Variants in PRIM2 observed in about 807,000 individuals in gnomAD.
PRIM2 encodes the protein DNA primase large subunit.
A neutral mutation model predicts 67.3 loss-of-function variants in PRIM2; 39 were observed. The observed-to-expected ratio is 0.58, with a 90% CI of 0.45 to 0.76. The LOEUF is 0.76. Ranked by LOEUF, PRIM2 falls within the 30% of genes least tolerant of loss-of-function variation. The pLI, the probability that PRIM2 is intolerant of heterozygous loss-of-function variation, is 0.00. For missense variants in PRIM2, 398 were observed against 598.7 expected, an observed-to-expected ratio of 0.66 and a Z score of 3.50; for synonymous variants, 143 against 198.7, an observed-to-expected ratio of 0.72 and a Z score of 2.36.
intron 8 of PRIM2, among the ~76,000 whole-genome samples, chr6:57,517,821 C>T (rs2127462960): frequency 6.6e-6 from 1 of 152,114 alleles, no homozygotes; most frequent in East Asian, 1.9e-4. Flanking sequence ...GAGCTGTCCA[C>T]CTGTGCAGGA....
intron 10 of PRIM2, among the ~76,000 whole-genome samples, chr6:57,600,336 GATTATTATTATT>G (rs1190863948): frequency 6.1e-5 from 9 of 146,382 alleles, no homozygotes; most frequent in African/African-American, 1.0e-4. Context: ...CAGAGGAAGG[GATTATTATTATT>G]ATTATTATTA....
rs548371789 is a variant in PRIM2 at position 57,330,910 on chromosome 6, C to T, written c.459+4865C>T. ...TTAATATGGTGTGTTGGGCCGGGCG[C>T]GGTGGCTCACACCTGTAATCCCAGC... On this transcript the variant is annotated intron_variant, in intron 5 of 13. Coordinates refer to ENST00000615550, the MANE Select transcript of PRIM2 (RefSeq NM_000947.5). 4.1e-4 allele frequency among the ~76,000 whole-genome samples: 63 copies of T among 152,088 alleles called. 1 individual carries two copies. Among genetic ancestry groups the T allele is most frequent in the Admixed American group, 1.9e-3 (29 of 15,272 alleles).
At chr6:57,261,745 AT>A in the PRIM2 span, among the ~76,000 whole-genome samples, 2 of 151,928 alleles carry the variant, frequency 1.3e-5, no homozygotes, top group African/African-American at 4.8e-5. Flanking sequence ...AGGTTGGGTT[AT>A]TTTTCCCCAT....
chr6:57,525,514 C>T (rs1454143275), intron 8 of PRIM2, among the ~76,000 whole-genome samples: 1 of 152,160 alleles, frequency 6.6e-6, no homozygotes, highest in Non-Finnish European at 1.5e-5. Flanking sequence ...TTCCTTTGAT[C>T]CCAGACTTCT....
intron 7 of PRIM2, among the ~76,000 whole-genome samples, chr6:57,466,246 A>G (rs1277029861): frequency 6.6e-6 from 1 of 152,150 alleles, no homozygotes; most frequent in Admixed American, 6.5e-5. Flanking sequence ...GTTGGTTCCA[A>G]GTCTTTGCTA....
intron 12 of PRIM2, among the ~76,000 whole-genome samples, chr6:57,627,279 CAAAA>C (rs1158722297): frequency 5.7e-4 from 14 of 24,532 alleles, no homozygotes; most frequent in African/African-American, 1.5e-3. Context: ...GACTCTGTCT[CAAAA>C]AAAAAAAAAA....
At chr6:57,294,115 T>G in the PRIM2 span, among the ~76,000 whole-genome samples, 1 of 152,202 alleles carries the variant, frequency 6.6e-6, no homozygotes, top group African/African-American at 2.4e-5. Context: ...AAAATGATGA[T>G]GTAGTGCTGT....
chr6:57,275,215 A>G, the PRIM2 span, among the ~76,000 whole-genome samples: 1 of 152,230 alleles, frequency 6.6e-6, no homozygotes, highest in African/African-American at 2.4e-5. Flanking sequence ...ACTAGAGTTA[A>G]AAGTAGACTA....
the PRIM2 span, among the ~76,000 whole-genome samples, chr6:57,253,585 G>A: frequency 6.6e-6 from 1 of 152,012 alleles, no homozygotes; most frequent in South Asian, 2.1e-4. Flanking sequence ...TTCTCTTGGT[G>A]GTTTTCATGA....
rs190672001 is a variant in PRIM2, at chr6:57,428,862, C to T, written c.693+46694C>T. Among the ~76,000 whole-genome samples the T allele has an allele frequency of 1.8e-4, 27 of 152,228 alleles. No homozygotes were observed. The East Asian group carries it at 5.0e-3, about 28-fold the overall frequency. On this transcript the variant is annotated intron_variant, in intron 7 of 13. Transcript: ENST00000615550. ...GTGTTAGTGTTAACTAAACTACAGA[C>T]CTTATTCATATTTCGCCAGTTTTAA...
At chr6:57,426,869 T>G (rs1771649694) in intron 7 of PRIM2, among the ~76,000 whole-genome samples, 1 of 152,210 alleles carries the variant, frequency 6.6e-6, no homozygotes, top group East Asian at 1.9e-4. Flanking sequence ...TAGGGAAAGA[T>G]TATTGAAATA....
chr6:57,230,262 G>A, the PRIM2 span, among the ~76,000 whole-genome samples: 12 of 152,122 alleles, frequency 7.9e-5, no homozygotes, highest in Admixed American at 2.0e-4. Context: ...GAATTGGTGC[G>A]TATTCTAGTG....
intron 2 of PRIM2, among the ~76,000 whole-genome samples, chr6:57,319,114 T>G (rs893305241): frequency 6.6e-6 from 1 of 152,228 alleles, no homozygotes; most frequent in Non-Finnish European, 1.5e-5. Context: ...TAATGGCCTA[T>G]GCAAAGGCTT....
rs1158188964 is a variant in PRIM2 at position 57,474,173 on chromosome 6, C to CTTTTTTTTTTT, written c.694-33194_694-33184dup. Reference sequence around the variant, plus strand: ...TCTACTTTTTCTGCAATTCTGCTATCTTTTTTTTTTTTTTTTTTTTTTTTT... The same window carrying CTTTTTTTTTTT: ...TCTACTTTTTCTGCAATTCTGCTATCTTTTTTTTTTTTTTTTTTTTTTTTTTTTTTTTTTTT... On this transcript the variant is annotated intron_variant, in intron 7 of 13. Coordinates refer to ENST00000615550, the MANE Select transcript of PRIM2 (RefSeq NM_000947.5). 9.4e-5 allele frequency among the ~76,000 whole-genome samples: 6 copies of CTTTTTTTTTTT among 63,970 alleles called. 1 individual carries two copies. The highest frequency in any genetic ancestry group is 2.8e-4 in the Admixed American group (1 of 3,516). The allele number at this position is 63,970 out of a possible 152,430, so 42.0% of individuals were successfully genotyped here. A position where few individuals can be genotyped will look rare whatever the true frequency, so the allele number is the denominator to read the frequency against.
intron 7 of PRIM2, among the ~76,000 whole-genome samples, chr6:57,427,588 G>A (rs1285626923): frequency 2.0e-5 from 3 of 152,162 alleles, no homozygotes; most frequent in African/African-American, 7.2e-5. Flanking sequence ...AAAGTGCTGG[G>A]ATTACAGGTG....
chr6:57,334,773 T>G (rs1768166178), intron 5 of PRIM2, among the ~76,000 whole-genome samples: 1 of 152,152 alleles, frequency 6.6e-6, no homozygotes, highest in South Asian at 2.1e-4. Context: ...GTAGTAATAT[T>G]ACGGAGGATA....
the PRIM2 span, among the ~76,000 whole-genome samples, chr6:57,289,062 G>T: frequency 6.6e-6 from 1 of 152,248 alleles, no homozygotes; most frequent in East Asian, 1.9e-4. Context: ...CTCGAAAAAA[G>T]GTTAGATGAG....
chr6:57,443,193 T>G (rs529090321), intron 7 of PRIM2, among the ~76,000 whole-genome samples: 419 of 152,332 alleles, frequency 2.8e-3, no homozygotes, highest in African/African-American at 9.1e-3. Flanking sequence ...CTATTGTGAA[T>G]AGTGCTTCAG....
In PRIM2 at chr6:57,397,219, C is replaced by G. The variant is rs1215847036; in HGVS notation, c.693+15051C>G. Among the ~76,000 whole-genome samples the G allele has an allele frequency of 2.0e-5, 3 of 152,276 alleles. No individual in the cohort carries two copies. In the East Asian group the frequency reaches 5.8e-4, roughly 29 times the overall value. Reference sequence around the variant, plus strand: ...TATATTTGGATGTCTAGGTCTCTAGCATTACCGGGAAAGTTTTCATTTATT... The same window carrying G: ...TATATTTGGATGTCTAGGTCTCTAGGATTACCGGGAAAGTTTTCATTTATT... On this transcript the variant is annotated intron_variant, in intron 7 of 13. Transcript: ENST00000615550.
Sources: allele counts gnomAD v4.1 joint callset (sites outside exome capture counted in the v4.1 genomes callset), GRCh38; gene constraint gnomAD v4.1.1; transcripts MANE v1.5; gene names NCBI Gene and HGNC (gene_info 2026-07-23, HGNC 2026-07-21).